The following SMARCE1 variants were observed in gnomAD, a reference collection of about 807,000 sequenced individuals.
SMARCE1 encodes SWI/SNF-related matrix-associated actin-dependent regulator of chromatin subfamily E member 1.
In SMARCE1, 13 loss-of-function variants were observed where a neutral mutation model predicts 54.9. The ratio of observed to expected loss-of-function variants is 0.24; its 90% confidence interval spans 0.15 to 0.38. The LOEUF (loss-of-function observed/expected upper bound fraction) is 0.38. Among genes scored for constraint, SMARCE1 ranks in the 10% least tolerant of loss-of-function variants. SMARCE1 has a pLI of 1.00. For synonymous variants in SMARCE1, 151 were observed against 175.3 expected (o/e 0.86, Z 1.10); for missense variants, 295 against 523.8 (o/e 0.56, Z 4.26).
chr17:40,647,357 AC>A (rs2037268640), intron 1 of SMARCE1: 1 of 152,274 alleles, frequency 6.6e-6, no homozygotes, highest in Non-Finnish European at 1.5e-5. Flanking sequence ...TGGGTTTCAA[AC>A]CCAGGCCAAA....
chr17:40,632,190 T>C lies in SMARCE1; in HGVS notation c.714+5A>G, dbSNP rs575636020. ...CTTATTGAAATGAATGTTTTATGAC[T>C]TTACCTGATGAACCATTAAGGACTG... On this transcript the variant is annotated splice_donor_5th_base_variant and intron_variant, in intron 8 of 10. Transcript: ENST00000348513. 2.1e-5 allele frequency: 34 copies of C among 1,607,830 alleles called. No homozygotes were observed. In the South Asian group the frequency reaches 3.8e-4, roughly 18 times the overall value.
chr17:40,626,056 G>C lies in SMARCE1; in HGVS notation c.*2729C>G, dbSNP rs2037031625. 6.6e-6 allele frequency: 1 copy of C among 152,018 alleles called. No individual in the cohort carries two copies. 9.4% of individuals were successfully genotyped at this position (152,018 alleles called of 1,614,324 possible). A position where few individuals can be genotyped will look rare whatever the true frequency, so the allele number is the denominator to read the frequency against. ...AGGCTGGCAAACATGGCAAAATCCT[G>C]TCTCTACTAAAAATACAAAAATTAG... On this transcript the variant is annotated 3_prime_UTR_variant, in exon 11 of 11. Transcript: ENST00000348513.
In SMARCE1 at chr17:40,628,482, A is replaced by C. The variant is rs1278704323; in HGVS notation, c.*303T>G. 2 of 308,218 alleles carry C rather than the reference A, an allele frequency of 6.5e-6. No homozygotes were observed. The highest frequency in any genetic ancestry group is 1.2e-5 in the Non-Finnish European group (2 of 162,578). 19.1% of individuals were successfully genotyped at this position (308,218 alleles called of 1,614,324 possible). A position where few individuals can be genotyped will look rare whatever the true frequency, so the allele number is the denominator to read the frequency against. On this transcript the variant is annotated 3_prime_UTR_variant, in exon 11 of 11. Transcript: ENST00000348513. ...CTGTAGGAAGGCATTGTAAGAGTAG[A>C]TTCTGCAGCATCAAAGGATAATTCT...
At chr17:40,646,577 T>C (rs905081210) in intron 1 of SMARCE1, among the ~76,000 whole-genome samples, 2 of 152,232 alleles carry the variant, frequency 1.3e-5, no homozygotes, top group African/African-American at 2.4e-5. Context: ...CTAGATTGTA[T>C]GCTACTTGGA....
In SMARCE1 at chr17:40,628,873, C is replaced by T. The variant is rs1555605079; in HGVS notation, c.1148G>A (p.Ser383Asn). The stretch of plus-strand genomic sequence containing the variant: ...GCTCTCCGAGCCAGTGTTACTATCA[C>T]TGGTTCCTTCCTCTGCCATACTGTC... ...GVDSMAEEGT[S>N]DSNTGSESNS... The change falls in exon 11 of 11, where the codon AGT becomes AAT. Residue 383 changes from serine (S) to asparagine (N), a missense_variant. This residue lies in a region of SMARCE1 where 147 missense variants were observed against 161.4 expected (regional missense o/e 0.91). Transcript: ENST00000348513. 10 of 1,613,808 alleles carry T rather than the reference C, an allele frequency of 6.2e-6. No homozygotes were observed. Among genetic ancestry groups the T allele is most frequent in the Admixed American group, 3.3e-5 (2 of 60,000 alleles).
At chr17:40,639,086 C>A (rs2037171816) in intron 4 of SMARCE1, among the ~76,000 whole-genome samples, 2 of 152,096 alleles carry the variant, frequency 1.3e-5, no homozygotes, top group African/African-American at 4.8e-5. Context: ...TGCTAGTGCC[C>A]AGGTAGACAG....
chr17:40,642,399 G>T lies in SMARCE1; in HGVS notation c.156+56C>A, dbSNP rs1451527406. Reference sequence around the variant, plus strand: ...GATTCAAAAAGACCTAATTCTGAAGGCATTTCTGGTCAATTCCAGTTGTTT... The same window carrying T: ...GATTCAAAAAGACCTAATTCTGAAGTCATTTCTGGTCAATTCCAGTTGTTT... On this transcript the variant is annotated intron_variant, in intron 4 of 10. Transcript: ENST00000348513. The surrounding 1 kb of genome is among the most constrained non-coding windows in gnomAD (Gnocchi z 4.6). The T allele has an allele frequency of 9.3e-7, 1 of 1,076,250 alleles. No individual in the cohort carries two copies. The highest frequency in any genetic ancestry group is 1.5e-6 in the Non-Finnish European group (1 of 688,952). 66.7% of individuals were successfully genotyped at this position (1,076,250 alleles called of 1,614,324 possible). A position where few individuals can be genotyped will look rare whatever the true frequency, so the allele number is the denominator to read the frequency against.
At position 40,646,638 on chromosome 17, in the gene SMARCE1, G is replaced by A. The variant is rs2037259930; in HGVS notation, c.-45-791C>T. Among the ~76,000 whole-genome samples the A allele has an allele frequency of 2.0e-5, 3 of 152,182 alleles. No homozygotes were observed. The East Asian group carries it at 5.8e-4, about 29-fold the overall frequency. On this transcript the variant is annotated intron_variant, in intron 1 of 10. Transcript: ENST00000348513. ...TCAATTCTTAGGAAATTTTTTCCTA[G>A]TATTACCAGCTCACAACATAACCAG...
rs2037045277 is a variant in SMARCE1, at chr17:40,627,290, A to C, written c.*1495T>G. On this transcript the variant is annotated 3_prime_UTR_variant, in exon 11 of 11. Transcript: ENST00000348513. Reference sequence around the variant, plus strand: ...GGCTGAACACACATTCCTAGTCACTAATGTGCTATGAACTGAATAGCAGTG... The same window carrying C: ...GGCTGAACACACATTCCTAGTCACTCATGTGCTATGAACTGAATAGCAGTG... 6.6e-6 allele frequency: 1 copy of C among 152,182 alleles called. No individual in the cohort carries two copies. Among genetic ancestry groups the C allele is most frequent in the East Asian group, 1.9e-4 (1 of 5,194 alleles). The allele number at this position is 152,182 out of a possible 1,614,324, so 9.4% of individuals were successfully genotyped here. A position where few individuals can be genotyped will look rare whatever the true frequency, so the allele number is the denominator to read the frequency against.
At chr17:40,646,298 C>T (rs1828755530) in intron 1 of SMARCE1, among the ~76,000 whole-genome samples, 1 of 152,140 alleles carries the variant, frequency 6.6e-6, no homozygotes, top group South Asian at 2.1e-4. Flanking sequence ...GCATTTTATT[C>T]CTGGAAGCAG....
intron 8 of SMARCE1, 117 bp from the exon 9 acceptor site, chr17:40,631,810 A>G (rs2037098338): frequency 1.6e-6 from 1 of 625,766 alleles, no homozygotes; most frequent in Admixed American, 2.9e-5. Context: ...AGTCTAGCTA[A>G]GATTTAAAAA....
chr17:40,636,268 C>A, intron 6 of SMARCE1, 127 bp downstream of exon 6: 2 of 1,195,068 alleles, frequency 1.7e-6, no homozygotes, highest in Non-Finnish European at 2.4e-6. Context: ...ACTGACTTGA[C>A]TCAGGTAGAC....
intron 4 of SMARCE1, 100 bp from the exon 5 acceptor site, chr17:40,637,672 T>C (rs1248418917): frequency 3.7e-6 from 3 of 817,494 alleles, no homozygotes; most frequent in African/African-American, 1.7e-5. Flanking sequence ...CTTTCTTCTA[T>C]TCGTCCAAAT....
At chr17:40,629,113 CTGAAA>C in intron 10 of SMARCE1, 120 bp from the exon 11 acceptor site, 1 of 745,472 alleles carries the variant, frequency 1.3e-6, no homozygotes, top group Non-Finnish European at 2.2e-6. Flanking sequence ...TATTAAACCC[CTGAAA>C]TGAACCAGTG....
At chr17:40,637,645 A>G (rs1424295449) in intron 4 of SMARCE1, 73 bp from the exon 5 acceptor site, 33 of 1,138,564 alleles carry the variant, frequency 2.9e-5, no homozygotes, top group Non-Finnish European at 2.7e-6. Context: ...AGAGTCCCTT[A>G]AAAAATTCTA....
chr17:40,639,153 T>A (rs1169502766), intron 4 of SMARCE1, among the ~76,000 whole-genome samples: 1 of 152,128 alleles, frequency 6.6e-6, no homozygotes, highest in African/African-American at 2.4e-5. Context: ...GCATGGAAAC[T>A]GTCAAAAGTG....
chr17:40,636,309 C>G, intron 6 of SMARCE1, 86 bp downstream of exon 6: 2 of 1,443,062 alleles, frequency 1.4e-6, no homozygotes, highest in Non-Finnish European at 1.9e-6. Flanking sequence ...GTGTTCTGAC[C>G]AAATCTTATG....
At position 40,628,675 on chromosome 17, in the gene SMARCE1, G is replaced by A. The variant is rs757412; in HGVS notation, c.*110C>T. ...AAATGGTCCAAAAGCCTTTGGTGGT[G>A]TGATATGGACAAGAAAAAAAATTAA... On this transcript the variant is annotated 3_prime_UTR_variant, in exon 11 of 11. Coordinates refer to ENST00000348513, the MANE Select transcript of SMARCE1 (RefSeq NM_003079.5). 123,346 of 783,098 alleles carry A rather than the reference G, an allele frequency of 0.16. 13,353 individuals carry two copies. Among genetic ancestry groups the A allele is most frequent in the Admixed American group, 0.39 (17,623 of 45,340 alleles). The allele number at this position is 783,098 out of a possible 1,614,324, so 48.5% of individuals were successfully genotyped here. A position where few individuals can be genotyped will look rare whatever the true frequency, so the allele number is the denominator to read the frequency against.
intron 5 of SMARCE1, 190 bp from the exon 6 acceptor site, chr17:40,636,716 T>C (rs962816126): frequency 1.9e-6 from 1 of 523,916 alleles, no homozygotes; most frequent in African/African-American, 1.9e-5. Flanking sequence ...CCCTACTGGA[T>C]TACTTTAAGA....
Sources: gnomAD v4.1 joint callset for allele counts (sites outside exome capture counted in the v4.1 genomes callset) on GRCh38, gnomAD v4.1.1 for gene constraint, gnomAD v4.1.1 regional missense constraint, Gnocchi (gnomAD v3.1) non-coding constraint, MANE v1.5 for transcripts, NCBI Gene and HGNC (gene_info 2026-07-23, HGNC 2026-07-21) for gene names.